Variants in ERBB4 observed in about 807,000 individuals in gnomAD.
ERBB4 encodes the protein receptor tyrosine-protein kinase erbB-4.
In ERBB4, 42 loss-of-function variants were observed where a neutral mutation model predicts 158.0. That is an observed-to-expected ratio of 0.27 (90% CI 0.21 to 0.34). The LOEUF (loss-of-function observed/expected upper bound fraction) is 0.34. Among genes scored for constraint, ERBB4 ranks in the 10% least tolerant of loss-of-function variants. ERBB4 has a pLI of 1.00. For missense variants in ERBB4, 1,333 were observed against 1,624.1 expected (o/e 0.82, Z 3.08); for synonymous variants, 583 against 558.7 (o/e 1.04, Z -0.61).
At chr2:211,397,820 AT>A (rs2062952473) in intron 25 of ERBB4, among the ~76,000 whole-genome samples, 1 of 152,150 alleles carries the variant, frequency 6.6e-6, no homozygotes, top group South Asian at 2.1e-4. Context: ...CTCCAAAAAC[AT>A]CCTCAATTAT....
intron 20 of ERBB4, among the ~76,000 whole-genome samples, chr2:211,554,461 T>G (rs2371311): frequency 0.2 from 30,432 of 152,124 alleles, 3,263 homozygotes; most frequent in Middle Eastern, 0.33. Flanking sequence ...AGCCACACAT[T>G]CCCACCCACA....
intron 3 of ERBB4, among the ~76,000 whole-genome samples, chr2:211,789,341 C>T (rs148279192): frequency 2.6e-5 from 4 of 152,170 alleles, no homozygotes; most frequent in East Asian, 1.9e-4. Flanking sequence ...TCAGCTGTTC[C>T]GCAGTGCCCA....
At chr2:211,644,035 A>G (rs559021606) in intron 16 of ERBB4, among the ~76,000 whole-genome samples, 1 of 152,138 alleles carries the variant, frequency 6.6e-6, no homozygotes, top group African/African-American at 2.4e-5. Flanking sequence ...AAGAACATCC[A>G]AGTTTTCTAA....
chr2:212,046,346 T>G (rs1575560664), intron 2 of ERBB4, among the ~76,000 whole-genome samples: 1 of 152,312 alleles, frequency 6.6e-6, no homozygotes, highest in African/African-American at 2.4e-5. Flanking sequence ...TGTTTGCACA[T>G]AGTAAACAGT....
At chr2:212,531,366 T>C (rs563846731) in intron 1 of ERBB4, among the ~76,000 whole-genome samples, 27 of 152,296 alleles carry the variant, frequency 1.8e-4, no homozygotes, top group African/African-American at 6.3e-4. Context: ...AGAAGCCAAC[T>C]AGAGTGAGGC....
chr2:212,448,747 A>G (rs1005723324), intron 1 of ERBB4, among the ~76,000 whole-genome samples: 1 of 152,038 alleles, frequency 6.6e-6, no homozygotes. Flanking sequence ...AGCAGTTACT[A>G]AAAAAAACTT....
At chr2:212,228,326 G>A (rs1179005201) in intron 1 of ERBB4, among the ~76,000 whole-genome samples, 1 of 152,130 alleles carries the variant, frequency 6.6e-6, no homozygotes, top group Non-Finnish European at 1.5e-5. Context: ...CTGAACTTTA[G>A]ATGATTTGAG....
chr2:212,009,483 G>A (rs2076334701), intron 2 of ERBB4, among the ~76,000 whole-genome samples: 1 of 151,522 alleles, frequency 6.6e-6, no homozygotes, highest in South Asian at 2.1e-4. Flanking sequence ...CTTTGATTTT[G>A]GCCTTATGAC....
chr2:211,650,085 AG>A (rs2070928069), intron 16 of ERBB4, among the ~76,000 whole-genome samples: 1 of 151,982 alleles, frequency 6.6e-6, no homozygotes, highest in South Asian at 2.1e-4. Context: ...ACATCACAGA[AG>A]GGGGTCTCAG....
At chr2:211,784,558 G>A (rs1374270676) in intron 4 of ERBB4, among the ~76,000 whole-genome samples, 1 of 152,088 alleles carries the variant, frequency 6.6e-6, no homozygotes, top group East Asian at 1.9e-4. Context: ...ATGCTGCTAT[G>A]AGCATAGATA....
At chr2:211,458,750 G>A (rs976955612) in intron 20 of ERBB4, among the ~76,000 whole-genome samples, 4 of 152,044 alleles carry the variant, frequency 2.6e-5, no homozygotes, top group African/African-American at 9.7e-5. Context: ...TGCTTTCAGG[G>A]GAATCCAGGC....
chr2:212,189,831 T>G (rs1301151749), intron 1 of ERBB4, among the ~76,000 whole-genome samples: 2 of 152,212 alleles, frequency 1.3e-5, no homozygotes, highest in East Asian at 1.9e-4. Context: ...TTTTACATGC[T>G]AAGATTTTAA....
At chr2:211,997,450 A>G (rs2082226736) in intron 2 of ERBB4, among the ~76,000 whole-genome samples, 1 of 152,164 alleles carries the variant, frequency 6.6e-6, no homozygotes, top group Non-Finnish European at 1.5e-5. Context: ...TTAAGGGAAA[A>G]CTATGTACCT....
intron 2 of ERBB4, among the ~76,000 whole-genome samples, chr2:212,099,991 C>G (rs973814416): frequency 2.0e-5 from 3 of 152,148 alleles, no homozygotes; most frequent in African/African-American, 7.2e-5. Context: ...GATAAATTCA[C>G]TATAGTTTTA....
At chr2:211,813,529 GGT>G (rs1036733606) in intron 3 of ERBB4, among the ~76,000 whole-genome samples, 1 of 152,096 alleles carries the variant, frequency 6.6e-6, no homozygotes, top group Non-Finnish European at 1.5e-5. Flanking sequence ...AGAAATTCCA[GGT>G]GCTTCCCTAC....
intron 21 of ERBB4, among the ~76,000 whole-genome samples, chr2:211,428,976 T>A (rs1274215184): frequency 6.6e-6 from 1 of 151,992 alleles, no homozygotes; most frequent in African/African-American, 2.4e-5. Context: ...CCTCCCAAAA[T>A]GCTGGGATTA....
At chr2:211,574,935 G>A (rs781476264) in intron 19 of ERBB4, among the ~76,000 whole-genome samples, 10 of 152,164 alleles carry the variant, frequency 6.6e-5, no homozygotes, top group Non-Finnish European at 1.3e-4. Context: ...GTTGAATTAT[G>A]TCAGCACAAT....
chr2:211,994,319 G>A (rs747320260), intron 2 of ERBB4, among the ~76,000 whole-genome samples: 14 of 151,846 alleles, frequency 9.2e-5, no homozygotes, highest in African/African-American at 3.4e-4. Context: ...AAATTGTAGA[G>A]ACACAGTTTT....
intron 1 of ERBB4, among the ~76,000 whole-genome samples, chr2:212,244,270 C>T (rs933705571): frequency 3.3e-5 from 5 of 151,792 alleles, no homozygotes; most frequent in African/African-American, 1.2e-4. Flanking sequence ...CTCATAAGTC[C>T]ATCCTTTTTA....
Sources: gnomAD v4.1 joint callset for allele counts (sites outside exome capture counted in the v4.1 genomes callset) on GRCh38, gnomAD v4.1.1 for gene constraint, MANE v1.5 for transcripts, NCBI Gene and HGNC (gene_info 2026-07-23, HGNC 2026-07-21) for gene names.